The following SLC17A6 variants were observed in gnomAD, a reference collection of about 807,000 sequenced individuals.
The protein encoded by SLC17A6 is solute carrier family 17 member 6.
In SLC17A6, 35 loss-of-function variants were observed where a neutral mutation model predicts 67.1. The ratio of observed to expected loss-of-function variants is 0.52; its 90% CI spans 0.40 to 0.69. SLC17A6 has a LOEUF of 0.69. SLC17A6 is among the 30% of genes least tolerant of loss of function. The pLI, the probability that SLC17A6 is intolerant of heterozygous loss-of-function variation, is 0.00. For synonymous variants in SLC17A6, 285 were observed against 252.3 expected (o/e 1.13, Z -1.23); for missense variants, 588 against 723.9 (o/e 0.81, Z 2.15).
rs1259066562 is a variant in SLC17A6, at chr11:22,344,187, C to A, written c.458+822C>A. Among the ~76,000 whole-genome samples, 4 of 152,192 alleles carry A rather than the reference C, an allele frequency of 2.6e-5. No homozygotes were observed. In the East Asian group the frequency reaches 7.7e-4, roughly 29 times the overall value. On this transcript the variant is annotated intron_variant, in intron 3 of 11. Transcript: ENST00000263160. ...TCTGAATTGTTGAACCCACACAGAA[C>A]ACATGCACCAGCTCTTTCTGGTCTT...
In SLC17A6 at chr11:22,377,455, T is replaced by G; in HGVS notation, c.1464T>G (p.Tyr488Ter). Residue 488 changes from tyrosine (Y) to a stop codon, truncating the protein, a stop_gained, in exon 12 of 12, where the codon TAT becomes TAG. Transcript: ENST00000263160. LOFTEE classifies it high-confidence loss of function. ...YVFLIAALVH[Y>*]GGVIFYAIFA... ...TCCTGATCGCTGCCCTAGTCCACTA[T>G]GGTGGAGTTATATTTTATGCAATAT... is the stretch of plus-strand genomic sequence containing the variant. 1.2e-6 allele frequency: 2 copies of G among 1,614,134 alleles called. No individual in the cohort carries two copies. Among genetic ancestry groups the G allele is most frequent in the Non-Finnish European group, 1.7e-6 (2 of 1,179,980 alleles).
intron 3 of SLC17A6, among the ~76,000 whole-genome samples, chr11:22,349,291 C>A (rs536902447): frequency 1.3e-5 from 2 of 152,122 alleles, no homozygotes; most frequent in African/African-American, 2.4e-5. Flanking sequence ...TCTTTTAAGG[C>A]CAGAGGTGAC....
At chr11:22,365,972 C>G (rs1175348213) in intron 7 of SLC17A6, among the ~76,000 whole-genome samples, 1 of 151,914 alleles carries the variant, frequency 6.6e-6, no homozygotes, top group Non-Finnish European at 1.5e-5. Flanking sequence ...TCAATATGGT[C>G]TATATTTAAA....
At chr11:22,368,135 A>C (rs1856133912) in intron 7 of SLC17A6, among the ~76,000 whole-genome samples, 1 of 152,164 alleles carries the variant, frequency 6.6e-6, no homozygotes, top group South Asian at 2.1e-4. Flanking sequence ...ATCTAGAAAA[A>C]TGATATTCTC....
At chr11:22,358,208 T>G (rs1048235583) in intron 3 of SLC17A6, among the ~76,000 whole-genome samples, 78 of 151,698 alleles carry the variant, frequency 5.1e-4, no homozygotes, top group African/African-American at 1.6e-3. Flanking sequence ...AATATATAGA[T>G]TAGCTCATTG....
At chr11:22,340,947 GA>G (rs1158836246) in intron 1 of SLC17A6, among the ~76,000 whole-genome samples, 2 of 152,198 alleles carry the variant, frequency 1.3e-5, no homozygotes, top group East Asian at 3.9e-4. Context: ...TCAGGGGGTG[GA>G]TTGGGGAGCG....
Position 22,372,366 on chromosome 11 carries a change from G to GTA in SLC17A6, c.1041+2191_1041+2192dup, listed in dbSNP as rs1165496271. Among the ~76,000 whole-genome samples, 430 of 148,260 alleles carry GTA rather than the reference G, an allele frequency of 2.9e-3. 2 individuals are homozygous for GTA. The highest frequency in any genetic ancestry group is 0.014 in the East Asian group (70 of 5,098). ...ATACTTTTTTCATTTTTTAAAACAA[G>GTA]TATATATATATATACACACATACAC... On this transcript the variant is annotated intron_variant, in intron 8 of 11. Transcript: ENST00000263160.
chr11:22,373,613 C>T (rs1856198106), intron 8 of SLC17A6, among the ~76,000 whole-genome samples: 1 of 152,096 alleles, frequency 6.6e-6, no homozygotes, highest in African/African-American at 2.4e-5. Flanking sequence ...TGGTGCTCAG[C>T]ATAAAGGCTA....
intron 3 of SLC17A6, among the ~76,000 whole-genome samples, chr11:22,356,060 G>C (rs1199720102): frequency 6.6e-6 from 1 of 152,100 alleles, no homozygotes; most frequent in Admixed American, 6.6e-5. Flanking sequence ...GAGAGCCCTG[G>C]ATTTAAATCT....
intron 8 of SLC17A6, among the ~76,000 whole-genome samples, chr11:22,371,834 A>G (rs562993548): frequency 1.3e-5 from 2 of 151,660 alleles, no homozygotes; most frequent in Non-Finnish European, 2.9e-5. Context: ...TAATTAGATT[A>G]GTTTAAAAAA....
chr11:22,377,964 C>T lies in SLC17A6; in HGVS notation c.*224C>T, dbSNP rs1856250432. 1 of 512,022 alleles carries T rather than the reference C, an allele frequency of 2.0e-6. No homozygotes were observed. The highest frequency in any genetic ancestry group is 3.4e-6 in the Non-Finnish European group (1 of 293,942). 31.7% of individuals were successfully genotyped at this position (512,022 alleles called of 1,614,324 possible). A position where few individuals can be genotyped will look rare whatever the true frequency, so the allele number is the denominator to read the frequency against. On this transcript the variant is annotated 3_prime_UTR_variant, in exon 12 of 12. Transcript: ENST00000263160. Reference sequence around the variant, plus strand: ...AAGTCATCCATTCTTGCATTTGTGACTTAAAGGTTGACTGGTCAAAATTGT... The same window carrying T: ...AAGTCATCCATTCTTGCATTTGTGATTTAAAGGTTGACTGGTCAAAATTGT...
rs150368510 is a variant in SLC17A6, at chr11:22,344,256, C to T, written c.458+891C>T. Among the ~76,000 whole-genome samples, 3 of 152,086 alleles carry T rather than the reference C, an allele frequency of 2.0e-5. No homozygotes were observed. The South Asian group carries it at 6.2e-4, about 32-fold the overall frequency. ...ATAAAGACTTCCAGGCTTTATTGTA[C>T]CTAAAACTTCATTCCTCTTCCTACA... On this transcript the variant is annotated intron_variant, in intron 3 of 11. Coordinates refer to ENST00000263160, the MANE Select transcript of SLC17A6 (RefSeq NM_020346.3).
chr11:22,351,171 T>C (rs1188059827), intron 3 of SLC17A6, among the ~76,000 whole-genome samples: 1 of 152,144 alleles, frequency 6.6e-6, no homozygotes, highest in Non-Finnish European at 1.5e-5. Context: ...AATAAGTATA[T>C]ATATCACAAA....
chr11:22,366,654 T>C (rs1480709585), intron 7 of SLC17A6, among the ~76,000 whole-genome samples: 2 of 152,148 alleles, frequency 1.3e-5, no homozygotes, highest in Admixed American at 6.5e-5. Context: ...ATAACACTGA[T>C]ACATTGTACA....
At chr11:22,356,043 C>T (rs757969666) in intron 3 of SLC17A6, among the ~76,000 whole-genome samples, 41 of 152,170 alleles carry the variant, frequency 2.7e-4, no homozygotes, top group Non-Finnish European at 1.5e-4. Context: ...CACAGATTTT[C>T]ATGTCAGAGA....
rs113273078 is a variant in SLC17A6 at position 22,367,806 on chromosome 11, C to A, written c.891+2117C>A. Among the ~76,000 whole-genome samples, 94 of 152,326 alleles carry A rather than the reference C, an allele frequency of 6.2e-4. 1 individual carries two copies. The highest frequency in any genetic ancestry group is 3.4e-3 in the Middle Eastern group (1 of 294). On this transcript the variant is annotated intron_variant, in intron 7 of 11. Transcript: ENST00000263160. ...AAACAGCATAATCTTCAGCTCCCCA[C>A]TTCCTATACCTCACTGCTTTTCTAA...
At chr11:22,356,621 G>A (rs992136934) in intron 3 of SLC17A6, among the ~76,000 whole-genome samples, 1 of 152,154 alleles carries the variant, frequency 6.6e-6, no homozygotes, top group African/African-American at 2.4e-5. Context: ...GATCACTTGA[G>A]GTCAGGAGTT....
chr11:22,341,807 C>T lies in SLC17A6; in HGVS notation c.339+27C>T, dbSNP rs749249627. The T allele has an allele frequency of 3.7e-6, 6 of 1,610,796 alleles. No individual in the cohort carries two copies. The South Asian group carries it at 5.5e-5, about 15-fold the overall frequency. On this transcript the variant is annotated intron_variant, in intron 2 of 11. Coordinates refer to ENST00000263160, the MANE Select transcript of SLC17A6 (RefSeq NM_020346.3). ...TGGGCAACGTCTGGCCGCCCTGGCT[C>T]CTGCCCTTCGGCCATGCGGCCTCGC...
intron 4 of SLC17A6, among the ~76,000 whole-genome samples, chr11:22,360,291 A>T (rs938751056): frequency 2.6e-4 from 40 of 152,078 alleles, no homozygotes; most frequent in African/African-American, 9.4e-4. Flanking sequence ...ACACATGGAC[A>T]CAGGGAGGGG....
Sources: gnomAD v4.1 joint callset for allele counts (sites outside exome capture counted in the v4.1 genomes callset) on GRCh38, gnomAD v4.1.1 for gene constraint, MANE v1.5 for transcripts, NCBI Gene and HGNC (gene_info 2026-07-23, HGNC 2026-07-21) for gene names.